The following ZFC3H1 variants were observed in gnomAD, a reference collection of about 807,000 sequenced individuals.
ZFC3H1 encodes the protein zinc finger C3H1 domain-containing protein.
In ZFC3H1, 71 loss-of-function variants were observed where a neutral mutation model predicts 243.7. The ratio of observed to expected loss-of-function variants is 0.29; its 90% CI spans 0.24 to 0.36. The LOEUF is 0.36. ZFC3H1 is among the 10% of genes least tolerant of loss of function. ZFC3H1 has a pLI of 1.00. For missense variants in ZFC3H1, 1,966 were observed against 2,317.1 expected (o/e 0.85, Z 3.11); for synonymous variants, 838 against 813.0 (o/e 1.03, Z -0.52).
intron 24 of ZFC3H1, among the ~76,000 whole-genome samples, chr12:71,622,131 C>G (rs1004248150): frequency 3.3e-5 from 5 of 152,184 alleles, no homozygotes; most frequent in African/African-American, 1.2e-4. Context: ...TGCATAAATT[C>G]CCTTCTACCT....
At chr12:71,628,864 A>G in intron 20 of ZFC3H1, 54 bp downstream of exon 20, 1 of 1,517,544 alleles carries the variant, frequency 6.6e-7, no homozygotes, top group Admixed American at 2.3e-5. Flanking sequence ...TGTTAAATAA[A>G]GATGGAACAC....
chr12:71,645,641 T>C lies in ZFC3H1; in HGVS notation c.1081-566A>G, dbSNP rs11831100. On this transcript the variant is annotated intron_variant, in intron 3 of 34. Transcript: ENST00000378743. The stretch of plus-strand genomic sequence containing the variant: ...ATAGAGATTTGCTTACAGCTGACTG[T>C]TATGTGTTCTAAGGCTACAGATATT... Among the ~76,000 whole-genome samples, 1,292 of 152,332 alleles carry C rather than the reference T, an allele frequency of 8.5e-3. 18 individuals carry two copies. The highest frequency in any genetic ancestry group is 0.03 in the African/African-American group (1,234 of 41,578).
chr12:71,634,848 A>C (rs755350177), intron 10 of ZFC3H1, 23 bp from the exon 11 acceptor site: 42 of 1,578,074 alleles, frequency 2.7e-5, no homozygotes, highest in Non-Finnish European at 3.2e-5. Context: ...AAACATTTGA[A>C]GTCAACTAGA....
chr12:71,656,540 C>T (rs2137562911), intron 2 of ZFC3H1: 1 of 658,388 alleles, frequency 1.5e-6, no homozygotes, highest in East Asian at 2.8e-5. Flanking sequence ...GGAGTAAAAC[C>T]CTCCTTTACC....
At chr12:71,620,830 A>G (rs932026836) in intron 24 of ZFC3H1, among the ~76,000 whole-genome samples, 2 of 152,074 alleles carry the variant, frequency 1.3e-5, no homozygotes, top group South Asian at 4.1e-4. Context: ...AAACGGTACA[A>G]TGTTTTACTT....
At chr12:71,625,807 G>A (rs1199874332) in intron 22 of ZFC3H1, among the ~76,000 whole-genome samples, 2 of 152,080 alleles carry the variant, frequency 1.3e-5, no homozygotes, top group Admixed American at 6.6e-5. Flanking sequence ...ATTACAGATT[G>A]GGATTATTTC....
Position 71,610,448 on chromosome 12 carries a change from T to A in ZFC3H1, c.5950A>T (p.Thr1984Ser). The A allele has an allele frequency of 5.6e-6, 9 of 1,613,354 alleles. No homozygotes were observed. The highest frequency in any genetic ancestry group is 7.6e-6 in the Non-Finnish European group (9 of 1,179,474). Residue 1984 changes from threonine (T) to serine (S), a missense_variant, in exon 35 of 35, where the codon ACA becomes TCA. This residue lies in a region of ZFC3H1 where 1,383 missense variants were observed against 1,723.7 expected (regional missense o/e 0.80). Coordinates refer to ENST00000378743, the MANE Select transcript of ZFC3H1 (RefSeq NM_144982.5). ...NELLNLNSNK[T>S]ESKNH ...AGTGTTCAGTGATTCTTGCTTTCTG[T>A]TTTGTTACTGTTTAAATTTAAGAGC...
intron 28 of ZFC3H1, 91 bp downstream of exon 28, chr12:71,615,115 T>C: frequency 8.2e-7 from 1 of 1,224,552 alleles, no homozygotes. Context: ...GACTTTAACA[T>C]CAAGTTAATT....
At chr12:71,641,190 A>T (rs1439140664) in intron 6 of ZFC3H1, among the ~76,000 whole-genome samples, 1 of 152,216 alleles carries the variant, frequency 6.6e-6, no homozygotes, top group East Asian at 1.9e-4. Context: ...AATACTTGGG[A>T]ATTATAATGA....
At chr12:71,643,688 T>G (rs1173535732) in intron 5 of ZFC3H1, among the ~76,000 whole-genome samples, 4 of 152,128 alleles carry the variant, frequency 2.6e-5, no homozygotes, top group Non-Finnish European at 5.9e-5. Context: ...TGCACTAAGG[T>G]TATTACTATA....
chr12:71,658,558 G>A (rs1265419930), intron 1 of ZFC3H1, among the ~76,000 whole-genome samples: 1 of 151,806 alleles, frequency 6.6e-6, no homozygotes, highest in Admixed American at 6.6e-5. Context: ...CAAAGTGCCG[G>A]GATTACAGGT....
intron 6 of ZFC3H1, among the ~76,000 whole-genome samples, chr12:71,640,436 G>A (rs878960260): frequency 2.0e-5 from 3 of 152,244 alleles, no homozygotes; most frequent in Non-Finnish European, 4.4e-5. Context: ...AAGATGCAGA[G>A]GCCAAGATGT....
chr12:71,625,078 T>G (rs1880128671), intron 22 of ZFC3H1, among the ~76,000 whole-genome samples: 1 of 152,194 alleles, frequency 6.6e-6, no homozygotes, highest in Non-Finnish European at 1.5e-5. Context: ...TATAAAATCT[T>G]GTAGTGATAA....
At chr12:71,647,603 C>A in intron 3 of ZFC3H1, 146 bp downstream of exon 3, 1 of 508,390 alleles carries the variant, frequency 2.0e-6, no homozygotes, top group Non-Finnish European at 3.4e-6. Context: ...TCCAGAATTT[C>A]TTTAAGGCTT....
chr12:71,614,738 G>A (rs1456344811), intron 29 of ZFC3H1, 38 bp from the exon 30 acceptor site: 17 of 1,592,076 alleles, frequency 1.1e-5, no homozygotes, highest in Non-Finnish European at 1.5e-5. Context: ...GAATAACTAA[G>A]ACAGTAGTTC....
chr12:71,627,946 A>C lies in ZFC3H1; in HGVS notation c.3947-12T>G. 1 of 1,608,606 alleles carries C rather than the reference A, an allele frequency of 6.2e-7. No homozygotes were observed. The highest frequency in any genetic ancestry group is 8.5e-7 in the Non-Finnish European group (1 of 1,178,688). On this transcript the variant is annotated splice_polypyrimidine_tract_variant and intron_variant, in intron 20 of 34. Transcript: ENST00000378743. The stretch of plus-strand genomic sequence containing the variant: ...CTCTGGCTGGAAAGCTATTTAAAAA[A>C]AAAGTATTATTAGCTTCACATTTTC...
intron 1 of ZFC3H1, among the ~76,000 whole-genome samples, chr12:71,658,490 T>G (rs1881081904): frequency 6.6e-6 from 1 of 151,980 alleles, no homozygotes; most frequent in Admixed American, 6.6e-5. Context: ...AGTTTCACCA[T>G]GTTGACAAGG....
intron 19 of ZFC3H1, 53 bp downstream of exon 19, chr12:71,629,556 T>TACACACAC (rs35067681): frequency 0.23 from 157,684 of 684,420 alleles, 10,533 homozygotes; most frequent in Middle Eastern, 0.3. Flanking sequence ...AGAGATACAG[T>TACACACAC]ACACACACAC....
At position 71,626,466 on chromosome 12, in the gene ZFC3H1, G is replaced by A. The variant is rs1007929788; in HGVS notation, c.4131-20C>T. On this transcript the variant is annotated intron_variant, in intron 21 of 34. Coordinates refer to ENST00000378743, the MANE Select transcript of ZFC3H1 (RefSeq NM_144982.5). ...CACTCCCTGTATATATAAAAGAAAA[G>A]GTGGAAGTGCTTTTTAGAACCTGCT... The A allele has an allele frequency of 6.4e-7, 1 of 1,559,450 alleles. No individual in the cohort carries two copies. Among genetic ancestry groups the A allele is most frequent in the Non-Finnish European group, 8.7e-7 (1 of 1,152,054 alleles).
Sources: gnomAD v4.1 joint callset for allele counts (sites outside exome capture counted in the v4.1 genomes callset) on GRCh38, gnomAD v4.1.1 for gene constraint, gnomAD v4.1.1 regional missense constraint, MANE v1.5 for transcripts, NCBI Gene and HGNC (gene_info 2026-07-23, HGNC 2026-07-21) for gene names.